Variants in MIPOL1 observed in about 807,000 individuals in gnomAD.
MIPOL1 encodes the protein mirror-image polydactyly 1.
In MIPOL1, 57 loss-of-function variants were observed where a neutral mutation model predicts 60.9. That is an observed-to-expected ratio of 0.94 (90% CI 0.76 to 1.17). MIPOL1 has a LOEUF of 1.17. Among genes scored for constraint, MIPOL1 ranks in the 50% most tolerant of loss-of-function variants. The pLI, the probability that MIPOL1 is intolerant of heterozygous loss-of-function variation, is 0.00. For synonymous variants in MIPOL1, 179 were observed against 168.8 expected, an observed-to-expected ratio of 1.06 and a Z score of -0.47; for missense variants, 551 against 511.6, an observed-to-expected ratio of 1.08 and a Z score of -0.74.
At chr14:37,308,583 T>G (rs2086994358) in intron 9 of MIPOL1, 64 bp downstream of exon 9, 9 of 1,272,814 alleles carry the variant, frequency 7.1e-6, no homozygotes. Flanking sequence ...TTTTAACCAT[T>G]AAAAACTGAC....
chr14:37,368,663 A>C (rs2092551539), intron 9 of MIPOL1, among the ~76,000 whole-genome samples: 1 of 151,948 alleles, frequency 6.6e-6, no homozygotes, highest in South Asian at 2.1e-4. Flanking sequence ...TTAGTACTTT[A>C]TTTCTTTAAT....
At chr14:37,433,567 T>G (rs951036821) in intron 11 of MIPOL1, among the ~76,000 whole-genome samples, 2 of 151,944 alleles carry the variant, frequency 1.3e-5, no homozygotes, top group African/African-American at 2.4e-5. Flanking sequence ...TGTTTGTTTG[T>G]TTTTTTGAGA....
At chr14:37,238,689 G>A (rs543427383) in intron 1 of MIPOL1, among the ~76,000 whole-genome samples, 16 of 151,736 alleles carry the variant, frequency 1.1e-4, no homozygotes, top group Admixed American at 7.9e-4. Flanking sequence ...AGTGGCTCAC[G>A]CCTGTAATCC....
Position 37,309,102 on chromosome 14 carries a change from T to TTTTATTTATTTA in MIPOL1, c.828+612_828+623dup, listed in dbSNP as rs59311227. On this transcript the variant is annotated intron_variant, in intron 9 of 12. Transcript: ENST00000684589. ...GGGCTTGGAGGCTTGTTTCTTGTTATTTTATTTATTTATTTATTTATTTAT... is the reference window on the plus strand; with the variant it reads ...GGGCTTGGAGGCTTGTTTCTTGTTATTTTATTTATTTATTTATTTATTTATTTATTTATTTAT... 4.9e-3 allele frequency among the ~76,000 whole-genome samples: 699 copies of TTTTATTTATTTA among 142,780 alleles called. 13 individuals are homozygous for TTTTATTTATTTA. Among genetic ancestry groups the TTTTATTTATTTA allele is most frequent in the African/African-American group, 0.017 (639 of 38,252 alleles). 93.7% of individuals were successfully genotyped at this position (142,780 alleles called of 152,430 possible).
chr14:37,532,427 T>C (rs945516978), intron 12 of MIPOL1, among the ~76,000 whole-genome samples: 16 of 152,158 alleles, frequency 1.1e-4, no homozygotes, highest in African/African-American at 3.6e-4. Context: ...AAAGAAAAGA[T>C]GTATGTGATT....
chr14:37,382,857 C>G (rs2092961693), intron 10 of MIPOL1, among the ~76,000 whole-genome samples: 2 of 152,006 alleles, frequency 1.3e-5, no homozygotes, highest in South Asian at 4.1e-4. Flanking sequence ...TGGAAAATCA[C>G]TCTTGCCTAC....
At chr14:37,496,780 T>A (rs1018708634) in intron 11 of MIPOL1, among the ~76,000 whole-genome samples, 26 of 152,264 alleles carry the variant, frequency 1.7e-4, no homozygotes, top group African/African-American at 6.0e-4. Flanking sequence ...ATGACTTTCT[T>A]CACAGAATTG....
intron 10 of MIPOL1, among the ~76,000 whole-genome samples, chr14:37,418,474 T>C (rs1046251324): frequency 2.6e-5 from 4 of 152,182 alleles, no homozygotes; most frequent in Non-Finnish European, 5.9e-5. Flanking sequence ...TATAATAAAA[T>C]ACACTCTGAT....
At chr14:37,512,246 C>T (rs1018109807) in intron 12 of MIPOL1, among the ~76,000 whole-genome samples, 1 of 150,986 alleles carries the variant, frequency 6.6e-6, no homozygotes, top group Non-Finnish European at 1.5e-5. Flanking sequence ...ATTGGTGTTA[C>T]AAAGAAATTG....
intron 9 of MIPOL1, among the ~76,000 whole-genome samples, chr14:37,341,442 G>C (rs2090564861): frequency 6.6e-6 from 1 of 152,174 alleles, no homozygotes; most frequent in Non-Finnish European, 1.5e-5. Context: ...GTTTTCATTA[G>C]TTTACCATAG....
At chr14:37,402,134 G>A (rs904753904) in intron 10 of MIPOL1, among the ~76,000 whole-genome samples, 1 of 152,042 alleles carries the variant, frequency 6.6e-6, no homozygotes, top group East Asian at 1.9e-4. Context: ...GCTGGGTAAA[G>A]CTAAATATCT....
chr14:37,387,535 C>G (rs947538658), intron 10 of MIPOL1, among the ~76,000 whole-genome samples: 3 of 151,880 alleles, frequency 2.0e-5, no homozygotes, highest in African/African-American at 7.2e-5. Flanking sequence ...AAACCTGATA[C>G]AGTATTTCCA....
chr14:37,286,661 A>C (rs1247945913), intron 7 of MIPOL1, among the ~76,000 whole-genome samples: 1 of 152,182 alleles, frequency 6.6e-6, no homozygotes, highest in Non-Finnish European at 1.5e-5. Flanking sequence ...AATAATTAAT[A>C]ATATGTGTCC....
intron 11 of MIPOL1, among the ~76,000 whole-genome samples, chr14:37,480,332 AAC>A (rs1418124906): frequency 6.6e-6 from 1 of 152,172 alleles, no homozygotes; most frequent in East Asian, 1.9e-4. Flanking sequence ...CAAATTCAAC[AAC>A]ACATTATAAA....
intron 1 of MIPOL1, among the ~76,000 whole-genome samples, chr14:37,219,326 G>A (rs2139469952): frequency 6.6e-6 from 1 of 152,280 alleles, no homozygotes; most frequent in South Asian, 2.1e-4. Flanking sequence ...GTTCAAAGGA[G>A]CCTCATTAAA....
intron 9 of MIPOL1, among the ~76,000 whole-genome samples, chr14:37,365,356 G>T (rs897862027): frequency 1.3e-5 from 2 of 152,036 alleles, no homozygotes; most frequent in Non-Finnish European, 2.9e-5. Context: ...CTCATATGTG[G>T]CTTTTATTAT....
At chr14:37,466,327 G>C (rs1465521712) in intron 11 of MIPOL1, among the ~76,000 whole-genome samples, 1 of 152,066 alleles carries the variant, frequency 6.6e-6, no homozygotes, top group Non-Finnish European at 1.5e-5. Flanking sequence ...TATTAATTCT[G>C]ATTTGTTCTT....
chr14:37,472,611 GAT>G (rs1334371014), intron 11 of MIPOL1, among the ~76,000 whole-genome samples: 1 of 152,052 alleles, frequency 6.6e-6, no homozygotes, highest in African/African-American at 2.4e-5. Context: ...ATCTTGTAAA[GAT>G]AATTTTATCT....
intron 11 of MIPOL1, among the ~76,000 whole-genome samples, chr14:37,484,595 C>T (rs970224147): frequency 6.6e-6 from 1 of 152,108 alleles, no homozygotes; most frequent in Non-Finnish European, 1.5e-5. Flanking sequence ...CTCAGCCTCC[C>T]AAAGTGCTGG....
Sources: allele counts gnomAD v4.1 joint callset (sites outside exome capture counted in the v4.1 genomes callset), GRCh38; gene constraint gnomAD v4.1.1; transcripts MANE v1.5; gene names NCBI Gene and HGNC (gene_info 2026-07-23, HGNC 2026-07-21).